Variants in ANKS1B observed in about 807,000 individuals in gnomAD.
ANKS1B encodes the protein ankyrin repeat and sterile alpha motif domain containing 1B.
In ANKS1B, 36 loss-of-function variants were observed where a neutral mutation model predicts 148.3. That is an observed-to-expected ratio of 0.24 (90% CI 0.19 to 0.32). ANKS1B has a LOEUF of 0.32. Among genes scored for constraint, ANKS1B ranks in the 10% least tolerant of loss-of-function variants. The pLI is 1.00. For missense variants in ANKS1B, 1,157 were observed against 1,542.6 expected (o/e 0.75, Z 4.19); for synonymous variants, 542 against 560.8 (o/e 0.97, Z 0.47).
chr12:99,093,099 C>G (rs145024343), intron 15 of ANKS1B, among the ~76,000 whole-genome samples: 1 of 152,140 alleles, frequency 6.6e-6, no homozygotes, highest in Non-Finnish European at 1.5e-5. Flanking sequence ...AGATATGTAA[C>G]GTTACCAAGA....
intron 16 of ANKS1B, among the ~76,000 whole-genome samples, chr12:99,055,928 C>T (rs575915277): frequency 3.3e-4 from 50 of 152,240 alleles, no homozygotes; most frequent in South Asian, 8.3e-4. Context: ...CAGGATTGCA[C>T]GGAATGCAGG....
intron 9 of ANKS1B, among the ~76,000 whole-genome samples, chr12:99,600,424 G>A (rs1445326050): frequency 6.6e-6 from 1 of 151,922 alleles, no homozygotes; most frequent in Non-Finnish European, 1.5e-5. Context: ...CCGCTGCGAA[G>A]GGAAGAAAGA....
intron 17 of ANKS1B, among the ~76,000 whole-genome samples, chr12:99,040,275 C>CGTGTGCGTGT (rs2099958119): frequency 6.8e-6 from 1 of 147,452 alleles, no homozygotes; most frequent in African/African-American, 2.5e-5. Context: ...TGTGCGTGTG[C>CGTGTGCGTGT]GTGTGTGTGT....
chr12:99,097,188 T>C (rs2056460002), intron 15 of ANKS1B: 1 of 152,206 alleles, frequency 6.6e-6, no homozygotes, highest in African/African-American at 2.4e-5. Context: ...AGTAAGTTTA[T>C]AGGAAAAGCA....
At chr12:99,196,477 T>C (rs1231016831) in intron 14 of ANKS1B, among the ~76,000 whole-genome samples, 1 of 152,128 alleles carries the variant, frequency 6.6e-6, no homozygotes, top group Non-Finnish European at 1.5e-5. Context: ...CTACAAGCCA[T>C]TCTGTCAATT....
chr12:98,761,473 A>G (rs1047912787), intron 25 of ANKS1B, among the ~76,000 whole-genome samples: 7 of 152,166 alleles, frequency 4.6e-5, no homozygotes, highest in Non-Finnish European at 8.8e-5. Context: ...TCAGAGCTAA[A>G]AGCTCAGAGC....
chr12:99,324,228 T>G (rs940207776), intron 12 of ANKS1B, among the ~76,000 whole-genome samples: 5 of 152,210 alleles, frequency 3.3e-5, no homozygotes, highest in African/African-American at 1.2e-4. Context: ...CTGGGTGCCA[T>G]GTGCTGTTCT....
intron 12 of ANKS1B, among the ~76,000 whole-genome samples, chr12:99,366,640 T>C (rs2092786454): frequency 6.6e-6 from 1 of 152,130 alleles, no homozygotes; most frequent in African/African-American, 2.4e-5. Flanking sequence ...TTCAGCTTGA[T>C]AGACATTTGG....
In ANKS1B at chr12:99,968,400, C is replaced by CA. The variant is rs759764657; in HGVS notation, c.134+15703dup. Among the ~76,000 whole-genome samples, 129 of 150,516 alleles carry CA rather than the reference C, an allele frequency of 8.6e-4. 1 individual carries two copies. The highest frequency in any genetic ancestry group is 2.2e-3 in the African/African-American group (91 of 40,994). The stretch of plus-strand genomic sequence containing the variant: ...TGAAATCCCGTCTCTACTAAAAATA[C>CA]AAAAAAAAATAGCCCGGTGTGGTGG... On this transcript the variant is annotated intron_variant, in intron 1 of 26. Coordinates refer to ENST00000683438, the MANE Select transcript of ANKS1B (RefSeq NM_001352186.2).
At chr12:99,597,846 T>C (rs555299529) in intron 9 of ANKS1B, among the ~76,000 whole-genome samples, 20 of 152,182 alleles carry the variant, frequency 1.3e-4, no homozygotes, top group South Asian at 2.1e-4. Flanking sequence ...CTATTAAATA[T>C]GGAATAATTC....
In ANKS1B at chr12:99,210,684, A is replaced by G. The variant is rs1310002552; in HGVS notation, c.2419+33658T>C. Among the ~76,000 whole-genome samples the G allele has an allele frequency of 3.3e-5, 5 of 152,332 alleles. No homozygotes were observed. The East Asian group carries it at 9.7e-4, about 29-fold the overall frequency. On this transcript the variant is annotated intron_variant, in intron 14 of 26. Coordinates refer to ENST00000683438, the MANE Select transcript of ANKS1B (RefSeq NM_001352186.2). ...AAAGTATTGTAGAGACTCCATTGCA[A>G]AAAGTTAGCAAATTGGCTACTTGGT...
At chr12:98,828,855 G>A (rs1390308106) in intron 19 of ANKS1B, among the ~76,000 whole-genome samples, 1 of 152,090 alleles carries the variant, frequency 6.6e-6, no homozygotes, top group Non-Finnish European at 1.5e-5. Flanking sequence ...TTGTAATCTA[G>A]ACTTTTATTA....
intron 17 of ANKS1B, among the ~76,000 whole-genome samples, chr12:98,938,866 G>A (rs2099828141): frequency 6.6e-6 from 1 of 152,220 alleles, no homozygotes; most frequent in South Asian, 2.1e-4. Flanking sequence ...ACGTGAAAAT[G>A]TGCTTACCAT....
At chr12:99,890,311 T>C (rs761713844) in intron 1 of ANKS1B, among the ~76,000 whole-genome samples, 13 of 152,154 alleles carry the variant, frequency 8.5e-5, no homozygotes, top group Admixed American at 2.0e-4. Context: ...ATGAGGCTCA[T>C]ACAATCAGTC....
chr12:99,983,462 T>C (rs886639392), intron 1 of ANKS1B, among the ~76,000 whole-genome samples: 3 of 152,180 alleles, frequency 2.0e-5, no homozygotes, highest in African/African-American at 7.2e-5. Flanking sequence ...AATACCAACC[T>C]GGCATCCTTC....
At chr12:99,138,671 G>T (rs1289818087) in intron 15 of ANKS1B, among the ~76,000 whole-genome samples, 1 of 152,114 alleles carries the variant, frequency 6.6e-6, no homozygotes, top group Non-Finnish European at 1.5e-5. Flanking sequence ...ACTCAGAGAG[G>T]CATTACATGA....
chr12:99,579,012 C>A (rs1215265299), intron 9 of ANKS1B, among the ~76,000 whole-genome samples: 1 of 151,796 alleles, frequency 6.6e-6, no homozygotes, highest in African/African-American at 2.4e-5. Flanking sequence ...CACAGACCAA[C>A]GGAACAGATT....
chr12:99,389,067 CAG>C (rs1208855396), intron 12 of ANKS1B, among the ~76,000 whole-genome samples: 5 of 152,278 alleles, frequency 3.3e-5, no homozygotes, highest in South Asian at 4.1e-4. Context: ...GGCCTGGAGA[CAG>C]GGAGCAGGAT....
intron 9 of ANKS1B, among the ~76,000 whole-genome samples, chr12:99,597,494 C>G (rs1480246415): frequency 6.6e-6 from 1 of 151,964 alleles, no homozygotes; most frequent in Non-Finnish European, 1.5e-5. Flanking sequence ...AAGACGTTCT[C>G]TCAACTAAGT....
Sources: allele counts gnomAD v4.1 joint callset (sites outside exome capture counted in the v4.1 genomes callset), GRCh38; gene constraint gnomAD v4.1.1; transcripts MANE v1.5; gene names NCBI Gene and HGNC (gene_info 2026-07-23, HGNC 2026-07-21).